IL15: variants seen among roughly 807,000 people sequenced by gnomAD.
The protein encoded by IL15 is interleukin-15.
Under a neutral mutation model 19.6 loss-of-function variants are expected in IL15, and 11 were observed. The ratio of observed to expected loss-of-function variants is 0.56; its 90% confidence interval spans 0.35 to 0.93. The LOEUF is 0.93. IL15 is among the 40% of genes least tolerant of loss of function. The pLI is 0.01. For synonymous variants in IL15, 58 were observed against 59.6 expected, an observed-to-expected ratio of 0.97 and a Z score of 0.12; for missense variants, 197 against 186.5, an observed-to-expected ratio of 1.06 and a Z score of -0.33.
At chr4:141,654,186 T>C (rs1411821389) in intron 1 of IL15, among the ~76,000 whole-genome samples, 3 of 152,100 alleles carry the variant, frequency 2.0e-5, no homozygotes, top group African/African-American at 7.2e-5. Context: ...TGTGATGCAG[T>C]TGGAACAGTG....
chr4:141,695,234 T>G (rs1191601535), intron 2 of IL15, among the ~76,000 whole-genome samples: 1 of 149,538 alleles, frequency 6.7e-6, no homozygotes, highest in Non-Finnish European at 1.5e-5. Context: ...TCTAAGCCTC[T>G]TCTCCCTAGT....
intron 2 of IL15, among the ~76,000 whole-genome samples, chr4:141,703,736 G>GAA (rs569683867): frequency 0.13 from 12,386 of 92,506 alleles, 808 homozygotes; most frequent in Non-Finnish European, 0.18. Flanking sequence ...CTGCTATCTT[G>GAA]AAAAAAAAAA....
At chr4:141,728,043 T>C in intron 6 of IL15, 59 bp downstream of exon 6, 1 of 821,860 alleles carries the variant, frequency 1.2e-6, no homozygotes, top group Non-Finnish European at 2.0e-6. Context: ...TTTAAAAGTA[T>C]ATTTTTGTAA....
chr4:141,726,765 G>T (rs1730279998), intron 5 of IL15, among the ~76,000 whole-genome samples: 3 of 152,078 alleles, frequency 2.0e-5, no homozygotes, highest in African/African-American at 7.2e-5. Flanking sequence ...GAACAAACTA[G>T]TGATACCCAC....
At chr4:141,671,063 A>G (rs1047162240) in intron 2 of IL15, among the ~76,000 whole-genome samples, 2 of 152,168 alleles carry the variant, frequency 1.3e-5, no homozygotes, top group Non-Finnish European at 1.5e-5. Context: ...CCATCCGTCT[A>G]ACAATTCACC....
At chr4:141,690,139 C>G (rs1165108852) in intron 2 of IL15, among the ~76,000 whole-genome samples, 1 of 152,194 alleles carries the variant, frequency 6.6e-6, no homozygotes, top group Non-Finnish European at 1.5e-5. Context: ...GCACGGCCAG[C>G]CGTCTGCTCC....
intron 7 of IL15, among the ~76,000 whole-genome samples, chr4:141,731,156 A>G (rs1425082757): frequency 6.6e-6 from 1 of 152,200 alleles, no homozygotes; most frequent in Non-Finnish European, 1.5e-5. Context: ...CTCTAAAAAT[A>G]CAAGACTGCT....
chr4:141,677,615 G>A (rs964949324), intron 2 of IL15, among the ~76,000 whole-genome samples: 1 of 152,134 alleles, frequency 6.6e-6, no homozygotes, highest in East Asian at 1.9e-4. Context: ...AACAGGGGCT[G>A]CTCACCACTC....
intron 1 of IL15, among the ~76,000 whole-genome samples, chr4:141,643,395 C>T (rs1727118396): frequency 6.6e-6 from 1 of 152,072 alleles, no homozygotes; most frequent in South Asian, 2.1e-4. Context: ...TTCCAGTTTT[C>T]CTCTCTCCTT....
chr4:141,671,743 G>C (rs766575298), intron 2 of IL15, among the ~76,000 whole-genome samples: 6 of 152,118 alleles, frequency 3.9e-5, no homozygotes, highest in Admixed American at 1.3e-4. Context: ...CATTATTTTT[G>C]CCATATCCTG....
At chr4:141,679,180 C>A (rs547648128) in intron 2 of IL15, among the ~76,000 whole-genome samples, 2 of 152,220 alleles carry the variant, frequency 1.3e-5, no homozygotes, top group East Asian at 1.9e-4. Context: ...TAATTTGGGA[C>A]AAGTCACTAG....
chr4:141,720,815 T>G, intron 4 of IL15: 2 of 551,650 alleles, frequency 3.6e-6, no homozygotes, highest in African/African-American at 1.9e-5. Context: ...CTTTTGATAT[T>G]TAACTGAACT....
intron 2 of IL15, among the ~76,000 whole-genome samples, chr4:141,710,089 C>A (rs1050059651): frequency 6.6e-6 from 1 of 152,166 alleles, no homozygotes. Context: ...TGATTTCCTT[C>A]TTTTTATGAC....
chr4:141,713,085 G>A (rs1181351084), intron 2 of IL15, among the ~76,000 whole-genome samples: 1 of 152,012 alleles, frequency 6.6e-6, no homozygotes, highest in Non-Finnish European at 1.5e-5. Flanking sequence ...AGTTTGTATT[G>A]GGGCTTATTT....
chr4:141,688,869 T>G (rs1314408530), intron 2 of IL15: 3 of 162,218 alleles, frequency 1.8e-5, no homozygotes, highest in African/African-American at 7.2e-5. Flanking sequence ...GTTCTTGGTC[T>G]CACTGACTTC....
intron 2 of IL15, among the ~76,000 whole-genome samples, chr4:141,694,649 C>T (rs1438723069): frequency 6.6e-6 from 1 of 152,166 alleles, no homozygotes; most frequent in Non-Finnish European, 1.5e-5. Context: ...TGATCTCATC[C>T]AGCCTTGAGG....
intron 2 of IL15, among the ~76,000 whole-genome samples, chr4:141,698,172 A>G (rs1326599441): frequency 6.6e-6 from 1 of 151,500 alleles, no homozygotes; most frequent in Non-Finnish European, 1.5e-5. Flanking sequence ...CATCCCTGCA[A>G]CTCTGGTATG....
intron 2 of IL15, among the ~76,000 whole-genome samples, chr4:141,670,603 T>A (rs1728139824): frequency 6.6e-6 from 1 of 152,210 alleles, no homozygotes; most frequent in African/African-American, 2.4e-5. Flanking sequence ...CATGTTTTGC[T>A]TTTTACAACA....
intron 6 of IL15, among the ~76,000 whole-genome samples, chr4:141,729,326 T>G (rs1294346009): frequency 2.0e-5 from 3 of 152,160 alleles, no homozygotes; most frequent in South Asian, 4.1e-4. Flanking sequence ...AAGAGAGCCT[T>G]TTCTGATTTG....
Sources: allele counts gnomAD v4.1 joint callset (sites outside exome capture counted in the v4.1 genomes callset), GRCh38; gene constraint gnomAD v4.1.1; transcripts MANE v1.5; gene names NCBI Gene and HGNC (gene_info 2026-07-23, HGNC 2026-07-21).